PRR14L: variants seen among roughly 807,000 people sequenced by gnomAD.
PRR14L encodes the protein protein PRR14L.
In PRR14L, 80 loss-of-function variants were observed where a neutral mutation model predicts 155.0. That is an observed-to-expected ratio of 0.52 (90% CI 0.43 to 0.62). The LOEUF (loss-of-function observed/expected upper bound fraction) is 0.62, where lower values mean the gene tolerates loss of function less well. Ranked by LOEUF, PRR14L falls within the 20% of genes least tolerant of loss-of-function variation. The probability of loss-of-function intolerance (pLI) is 0.00; values close to 1 mark genes in which losing one functional copy is unlikely to be tolerated. For synonymous variants in PRR14L, 883 were observed against 916.0 expected (o/e 0.96, Z 0.65); for missense variants, 2,469 against 2,548.0 (o/e 0.97, Z 0.67).
intron 2 of PRR14L, among the ~76,000 whole-genome samples, chr22:31,725,912 G>A (rs1007525598): frequency 2.0e-4 from 30 of 150,676 alleles, no homozygotes; most frequent in African/African-American, 6.8e-4. Flanking sequence ...CAAGTGATCC[G>A]CCCGCCTCCG....
chr22:31,727,011 G>T (rs1188343926), intron 2 of PRR14L, among the ~76,000 whole-genome samples: 1 of 152,168 alleles, frequency 6.6e-6, no homozygotes, highest in Non-Finnish European at 1.5e-5. Flanking sequence ...TCTGTAAAGT[G>T]ACAGCACAGG....
At chr22:31,710,442 G>A (rs1362165246) in intron 4 of PRR14L, among the ~76,000 whole-genome samples, 3 of 151,802 alleles carry the variant, frequency 2.0e-5, no homozygotes, top group African/African-American at 7.3e-5. Flanking sequence ...CATGTGTATA[G>A]CAGCTCTTTA....
At chr22:31,728,344 G>C (rs1379342033) in intron 2 of PRR14L, among the ~76,000 whole-genome samples, 1 of 152,146 alleles carries the variant, frequency 6.6e-6, no homozygotes, top group African/African-American at 2.4e-5. Flanking sequence ...CGGGGGCAGT[G>C]GCTCACACCT....
At chr22:31,690,354 TTTGA>T (rs1351711670) in intron 7 of PRR14L, among the ~76,000 whole-genome samples, 2 of 151,906 alleles carry the variant, frequency 1.3e-5, no homozygotes, top group Non-Finnish European at 2.9e-5. Context: ...CAGCTGTAAC[TTTGA>T]TTTTTTCGTA....
intron 2 of PRR14L, among the ~76,000 whole-genome samples, chr22:31,736,835 G>C (rs561008424): frequency 2.0e-5 from 3 of 151,832 alleles, no homozygotes; most frequent in African/African-American, 4.8e-5. Context: ...TCAGGAGTTT[G>C]AACCCAGCCT....
intron 1 of PRR14L, among the ~76,000 whole-genome samples, chr22:31,744,577 G>T (rs2074828077): frequency 2.6e-5 from 4 of 152,144 alleles, no homozygotes; most frequent in Admixed American, 2.6e-4. Context: ...CTAGCCACAT[G>T]CTGATTCTTA....
Position 31,713,030 on chromosome 22 carries a change from G to C in PRR14L, c.4809C>G (p.Ser1603Arg), listed in dbSNP as rs980740844. The change falls in exon 4 of 9, where the codon AGC (serine) becomes AGG (arginine). Residue 1603 changes from serine (S) to arginine (R), a missense_variant. Physicochemically the swap from Ser to Arg is moderately radical, Grantham distance 110. Around this residue, in one of 2 missense-constraint regions of PRR14L, gnomAD observed 2,363 missense variants for 2,371.6 expected, o/e 1.00. Transcript: ENST00000327423. ...QMSTPCHPLRSLNFRKTTKES... is the reference protein window; with the variant it reads ...QMSTPCHPLRRLNFRKTTKES... ...CTTTGGTAGTCTTCCTAAAATTCAGGCTCCTCAAGGGATGGCACGGTGTAG... is the reference window on the plus strand; with the variant it reads ...CTTTGGTAGTCTTCCTAAAATTCAGCCTCCTCAAGGGATGGCACGGTGTAG... 1 of 1,552,140 alleles carries C rather than the reference G, an allele frequency of 6.4e-7. No homozygotes were observed. The highest frequency in any genetic ancestry group is 2.0e-5 in the Admixed American group (1 of 50,978).
At chr22:31,729,766 G>A (rs758604563) in intron 2 of PRR14L, among the ~76,000 whole-genome samples, 33 of 152,152 alleles carry the variant, frequency 2.2e-4, no homozygotes, top group Non-Finnish European at 4.3e-4. Flanking sequence ...GGGGAGAATG[G>A]TGAGTTACTA....
At position 31,683,486 on chromosome 22, in the gene PRR14L, CAGGA is replaced by C. The variant is rs1448115896; in HGVS notation, c.*2037_*2040del. ...CATTTAGTGTCTAAGAACCCTGTCCCAGGAAGGGAGAGGTATTGAGGTGAAACAT... is the reference window on the plus strand; with the variant it reads ...CATTTAGTGTCTAAGAACCCTGTCCCAGGGAGAGGTATTGAGGTGAAACAT... On this transcript the variant is annotated 3_prime_UTR_variant, in exon 9 of 9. Coordinates refer to ENST00000327423, the MANE Select transcript of PRR14L (RefSeq NM_173566.3). 1 of 152,230 alleles carries C rather than the reference CAGGA, an allele frequency of 6.6e-6. No homozygotes were observed. The highest frequency in any genetic ancestry group is 2.4e-5 in the African/African-American group (1 of 41,434). 9.4% of individuals were successfully genotyped at this position (152,230 alleles called of 1,614,324 possible). A position where few individuals can be genotyped will look rare whatever the true frequency, so the allele number is the denominator to read the frequency against.
intron 7 of PRR14L, 43 bp from the exon 8 acceptor site, chr22:31,688,270 C>CT (rs371441167): frequency 3.3e-3 from 4,337 of 1,311,744 alleles, no homozygotes; most frequent in East Asian, 8.0e-3. Context: ...TTCTCTCTCT[C>CT]TTTTTTTTTT....
chr22:31,688,897 T>C (rs540103984), intron 7 of PRR14L, among the ~76,000 whole-genome samples: 2,123 of 133,096 alleles, frequency 0.016, 51 homozygotes, highest in African/African-American at 0.064. Flanking sequence ...AAAAAATATA[T>C]ACATACACAC....
At chr22:31,736,685 CATTT>C (rs1281705516) in intron 2 of PRR14L, among the ~76,000 whole-genome samples, 1 of 152,124 alleles carries the variant, frequency 6.6e-6, no homozygotes, top group Non-Finnish European at 1.5e-5. Flanking sequence ...CACATTCATT[CATTT>C]ATGTATTGCC....
chr22:31,748,449 A>ATT (rs2147881074), intron 1 of PRR14L, among the ~76,000 whole-genome samples: 1 of 44,588 alleles, frequency 2.2e-5, no homozygotes, highest in African/African-American at 2.8e-4. Flanking sequence ...AAGGAGTGAA[A>ATT]CTGGAAAATG....
chr22:31,704,416 G>C (rs1429574880), intron 5 of PRR14L: 3 of 369,604 alleles, frequency 8.1e-6, no homozygotes, highest in Non-Finnish European at 1.5e-5. Flanking sequence ...ACAATAAGCT[G>C]GTTAGTGATT....
intron 1 of PRR14L, among the ~76,000 whole-genome samples, chr22:31,745,022 C>T (rs1212267987): frequency 1.3e-5 from 2 of 152,178 alleles, no homozygotes; most frequent in East Asian, 1.9e-4. Flanking sequence ...ATTGCAGATA[C>T]GTTACCAAGA....
Position 31,717,287 on chromosome 22 carries a change from T to C in PRR14L, c.552A>G (p.Gly184=). ...GAGTTTCAGCTGTAATCTGTACATT[T>C]CCTTCTGAATAAGAGAAATAAATCC... ...LPEDFLRSKE[G]NVQITAETLL... Residue 184 remains glycine, a synonymous_variant, in exon 4 of 9, where the codon GGA becomes GGG. Coordinates refer to ENST00000327423, the MANE Select transcript of PRR14L (RefSeq NM_173566.3). 2 of 1,536,982 alleles carry C rather than the reference T, an allele frequency of 1.3e-6. No homozygotes were observed. Among genetic ancestry groups the C allele is most frequent in the Non-Finnish European group, 1.8e-6 (2 of 1,140,078 alleles).
At chr22:31,693,880 TA>T (rs1402900205) in intron 7 of PRR14L, among the ~76,000 whole-genome samples, 2 of 152,274 alleles carry the variant, frequency 1.3e-5, no homozygotes, top group Non-Finnish European at 2.9e-5. Flanking sequence ...TTTACATTTT[TA>T]GAAATTCTGT....
At chr22:31,697,529 A>C (rs982951074) in intron 7 of PRR14L, among the ~76,000 whole-genome samples, 4 of 152,070 alleles carry the variant, frequency 2.6e-5, no homozygotes, top group Non-Finnish European at 4.4e-5. Flanking sequence ...AGCTATTCTC[A>C]CTTCTCATTA....
chr22:31,712,015 C>A (rs1445334621), intron 4 of PRR14L, 68 bp downstream of exon 4: 8 of 1,413,640 alleles, frequency 5.7e-6, no homozygotes, highest in Non-Finnish European at 7.7e-6. Context: ...CCCGCAGTTC[C>A]CCTCTCATCT....
Sources: allele counts gnomAD v4.1 joint callset (sites outside exome capture counted in the v4.1 genomes callset), GRCh38; gene constraint gnomAD v4.1.1; regional missense constraint gnomAD v4.1.1; transcripts MANE v1.5; gene names NCBI Gene and HGNC (gene_info 2026-07-23, HGNC 2026-07-21).